The following CELF2 variants were observed in gnomAD, a reference collection of about 807,000 sequenced individuals.
CELF2 encodes CUG triplet repeat RNA-binding protein 2.
Under a neutral mutation model 62.6 loss-of-function variants are expected in CELF2, and 8 were observed. That is an observed-to-expected ratio of 0.13 (90% CI 0.07 to 0.23). CELF2 has a LOEUF of 0.23. CELF2 is among the 10% of genes least tolerant of loss of function. The pLI, the probability that CELF2 is intolerant of heterozygous loss-of-function variation, is 1.00. For missense variants in CELF2, 333 were observed against 671.0 expected, an observed-to-expected ratio of 0.50 and a Z score of 5.56; for synonymous variants, 258 against 250.0, an observed-to-expected ratio of 1.03 and a Z score of -0.30.
rs1007924581 is a variant in CELF2, at chr10:11,269,213, T to A, written c.619-1453T>A. ...GAAAAAAATGAATTACAGATTTTTT[T>A]AAATGATGGAAATACTATTTTTGTG... is the stretch of plus-strand genomic sequence containing the variant. On this transcript the variant is annotated intron_variant, in intron 6 of 12. Transcript: ENST00000633077. This position sits in a 1 kb window ranked among gnomAD's most constrained non-coding sequence, Gnocchi z 4.4. 2.0e-5 allele frequency among the ~76,000 whole-genome samples: 3 copies of A among 152,230 alleles called. No homozygotes were observed. Among genetic ancestry groups the A allele is most frequent in the Non-Finnish European group, 2.9e-5 (2 of 68,042 alleles).
chr10:10,665,274 C>G, the CELF2 span, among the ~76,000 whole-genome samples: 81 of 152,182 alleles, frequency 5.3e-4, no homozygotes, highest in Non-Finnish European at 9.6e-4. Flanking sequence ...AGAGCTATGC[C>G]GGCAAATTTG....
the CELF2 span, among the ~76,000 whole-genome samples, chr10:10,686,874 A>T: frequency 6.6e-6 from 1 of 152,306 alleles, no homozygotes; most frequent in African/African-American, 2.4e-5. Context: ...CTCTACTGGG[A>T]TGACTGGTCC....
At chr10:10,659,444 C>A in the CELF2 span, among the ~76,000 whole-genome samples, 1 of 152,172 alleles carries the variant, frequency 6.6e-6, no homozygotes, top group South Asian at 2.1e-4. Flanking sequence ...ATTACCTATT[C>A]TGTCAAAACT....
the CELF2 span, among the ~76,000 whole-genome samples, chr10:10,651,192 A>T: frequency 1.7e-5 from 2 of 121,180 alleles, 1 homozygote; most frequent in East Asian, 4.1e-4. Flanking sequence ...CCACGAGATT[A>T]TATCCCACAT....
Position 11,332,320 on chromosome 10 carries a change from AAAT to A in CELF2, c.*3272_*3274del, listed in dbSNP as rs2096042234. ...TTGTTTCTGTTTCCTAAATACTCCTAAATAATATTTCTAATCAGCCATTATGCT... is the reference window on the plus strand; with the variant it reads ...TTGTTTCTGTTTCCTAAATACTCCTAAATATTTCTAATCAGCCATTATGCT... On this transcript the variant is annotated 3_prime_UTR_variant, in exon 13 of 13. Transcript: ENST00000633077. 6.6e-6 allele frequency: 1 copy of A among 152,184 alleles called. No homozygotes were observed. The highest frequency in any genetic ancestry group is 6.5e-5 in the Admixed American group (1 of 15,282). The allele number at this position is 152,184 out of a possible 1,614,324, so 9.4% of individuals were successfully genotyped here.
intron 2 of CELF2, among the ~76,000 whole-genome samples, chr10:11,202,940 T>C (rs2059582454): frequency 1.1e-5 from 1 of 87,172 alleles, no homozygotes; most frequent in African/African-American, 4.6e-5. Flanking sequence ...TCTCTCTCTC[T>C]CTCTCTCTCT....
the CELF2 span, among the ~76,000 whole-genome samples, chr10:10,733,676 G>C: frequency 6.6e-6 from 1 of 152,166 alleles, no homozygotes; most frequent in Non-Finnish European, 1.5e-5. Flanking sequence ...AGACAAGAAA[G>C]AATGAGAACC....
chr10:10,882,211 A>G (rs1394833434), intron 1 of CELF2, among the ~76,000 whole-genome samples: 1 of 152,182 alleles, frequency 6.6e-6, no homozygotes, highest in Non-Finnish European at 1.5e-5. Flanking sequence ...TAACATTCTT[A>G]TAATCAGTCT....
the CELF2 span, among the ~76,000 whole-genome samples, chr10:10,518,154 A>T: frequency 6.6e-6 from 1 of 152,142 alleles, no homozygotes; most frequent in African/African-American, 2.4e-5. Flanking sequence ...CCATCAACCC[A>T]TTCTGAATTC....
In CELF2 at chr10:11,237,486, C is replaced by A. The variant is rs997436520; in HGVS notation, c.355-11667C>A. Among the ~76,000 whole-genome samples the A allele has an allele frequency of 2.4e-4, 37 of 152,212 alleles. No homozygotes were observed. Among genetic ancestry groups the A allele is most frequent in the African/African-American group, 7.9e-4 (33 of 41,536 alleles). ...TGTAAGAGATCAGGGTGGACAGAGT[C>A]GAGCCCTGCAAAGAGGCTCAGAAGA... On this transcript the variant is annotated intron_variant, in intron 3 of 12. Transcript: ENST00000633077. The surrounding 1 kb of genome is among the most constrained non-coding windows in gnomAD (Gnocchi z 4.0).
chr10:11,192,868 G>A (rs2076570595), intron 2 of CELF2, among the ~76,000 whole-genome samples: 1 of 152,190 alleles, frequency 6.6e-6, no homozygotes, highest in Admixed American at 6.5e-5. Context: ...GGCACCTGAA[G>A]GTATTGAGGT....
the CELF2 span, among the ~76,000 whole-genome samples, chr10:10,655,166 T>A: frequency 3.4e-4 from 50 of 148,284 alleles, 1 homozygote; most frequent in Non-Finnish European, 1.0e-4. Flanking sequence ...TTACAAGGGA[T>A]GTGAAGGACC....
Position 11,325,559 on chromosome 10 carries a change from G to C in CELF2, c.1295-277G>C, listed in dbSNP as rs368149262. ...ACTGTCACCTTCAGCCCCATGAAAA[G>C]GTGACTGAAATGCATATGCCAAGGG... On this transcript the variant is annotated intron_variant, in intron 11 of 12. Coordinates refer to ENST00000633077, the MANE Select transcript of CELF2 (RefSeq NM_001326342.2). Among the ~76,000 whole-genome samples, 5 of 152,202 alleles carry C rather than the reference G, an allele frequency of 3.3e-5. No homozygotes were observed. The East Asian group carries it at 9.6e-4, about 29-fold the overall frequency.
Position 11,300,851 on chromosome 10 carries a change from C to T in CELF2, c.976+12299C>T, listed in dbSNP as rs527358629. Among the ~76,000 whole-genome samples, 1 of 151,678 alleles carries T rather than the reference C, an allele frequency of 6.6e-6. No individual in the cohort carries two copies. Among genetic ancestry groups the T allele is most frequent in the African/African-American group, 2.4e-5 (1 of 40,970 alleles). On this transcript the variant is annotated intron_variant, in intron 9 of 12. Transcript: ENST00000633077. The surrounding 1 kb of genome is among the most constrained non-coding windows in gnomAD (Gnocchi z 5.5). ...CTCCGTGTTTACAATGATTTTATTTCCTAAACCACAAAGCCACTGTGTTTT... is the reference window on the plus strand; with the variant it reads ...CTCCGTGTTTACAATGATTTTATTTTCTAAACCACAAAGCCACTGTGTTTT...
chr10:10,995,118 A>G lies in CELF2; in HGVS notation c.89+75119A>G, dbSNP rs1203978988. Among the ~76,000 whole-genome samples, 1 of 152,164 alleles carries G rather than the reference A, an allele frequency of 6.6e-6. No individual in the cohort carries two copies. On this transcript the variant is annotated intron_variant, in intron 2 of 13. Coordinates refer to the CELF2 transcript ENST00000636488. This position sits in a 1 kb window ranked among gnomAD's most constrained non-coding sequence, Gnocchi z 4.7. The stretch of plus-strand genomic sequence containing the variant: ...TTCCCAAATTAAGCTGTGTCTTTCT[A>G]ACTTGGTTATAAGTTCCTTAAGGGC...
chr10:10,716,003 C>G, the CELF2 span, among the ~76,000 whole-genome samples: 1 of 152,126 alleles, frequency 6.6e-6, no homozygotes, highest in Non-Finnish European at 1.5e-5. Context: ...ATTTTAAAAA[C>G]AAACTTCATT....
chr10:11,018,234 C>T (rs1220030203), intron 1 of CELF2, 71 bp downstream of exon 1: 17 of 1,325,854 alleles, frequency 1.3e-5, no homozygotes, highest in Non-Finnish European at 1.5e-5. Context: ...GCGAAGGGGA[C>T]GGGCGTCGCC....
the CELF2 span, among the ~76,000 whole-genome samples, chr10:10,582,907 C>T: frequency 6.6e-6 from 1 of 152,106 alleles, no homozygotes; most frequent in African/African-American, 2.4e-5. Context: ...GTGATGGTTT[C>T]TTTCTATTCA....
At position 11,017,986 on chromosome 10, in the gene CELF2, G is replaced by T; in HGVS notation, c.-104G>T. 4.0e-6 allele frequency: 4 copies of T among 994,188 alleles called. No individual in the cohort carries two copies. Among genetic ancestry groups the T allele is most frequent in the Non-Finnish European group, 4.8e-6 (4 of 836,804 alleles). 61.6% of individuals were successfully genotyped at this position (994,188 alleles called of 1,614,324 possible). On this transcript the variant is annotated 5_prime_UTR_variant, in exon 1 of 13. Coordinates refer to ENST00000633077, the MANE Select transcript of CELF2 (RefSeq NM_001326342.2). This position sits in a 1 kb window ranked among gnomAD's most constrained non-coding sequence, Gnocchi z 5.5. ...ACAAGTGCCGGCTCGGCGGCCGCCG[G>T]GGGAGGCCGCGCGCACCTGTCCCTG...
Sources: gnomAD v4.1 joint callset for allele counts (sites outside exome capture counted in the v4.1 genomes callset) on GRCh38, gnomAD v4.1.1 for gene constraint, Gnocchi (gnomAD v3.1) non-coding constraint, MANE v1.5 for transcripts, NCBI Gene and HGNC (gene_info 2026-07-23, HGNC 2026-07-21) for gene names.